The following DCAF1 variants were observed in gnomAD, a reference collection of about 807,000 sequenced individuals.
DCAF1 encodes DDB1 and CUL4 associated factor 1, also known as DDB1- and CUL4-associated factor 1.
A neutral mutation model predicts 128.0 loss-of-function variants in DCAF1; 15 were observed. The observed-to-expected ratio is 0.12, with a 90% CI of 0.08 to 0.18. The LOEUF is 0.18. DCAF1 is among the 10% of genes least tolerant of loss of function. The pLI, the probability that DCAF1 is intolerant of heterozygous loss-of-function variation, is 1.00. For synonymous variants in DCAF1, 610 were observed against 603.0 expected, an observed-to-expected ratio of 1.01 and a Z score of -0.17; for missense variants, 988 against 1,649.5, an observed-to-expected ratio of 0.60 and a Z score of 6.95.
At chr3:51,461,034 T>C (rs1415211277) in intron 6 of DCAF1, among the ~76,000 whole-genome samples, 1 of 151,956 alleles carries the variant, frequency 6.6e-6, no homozygotes. Flanking sequence ...CCAAAAGCAA[T>C]AGCAACAAAA....
At chr3:51,407,653 T>C (rs1173389113) in intron 23 of DCAF1, among the ~76,000 whole-genome samples, 1 of 152,192 alleles carries the variant, frequency 6.6e-6, no homozygotes, top group Non-Finnish European at 1.5e-5. Flanking sequence ...TTGTAACTTT[T>C]CTAAAAGTCA....
chr3:51,465,673 A>G (rs976530249), intron 5 of DCAF1, among the ~76,000 whole-genome samples: 7 of 150,812 alleles, frequency 4.6e-5, no homozygotes, highest in Non-Finnish European at 8.9e-5. Context: ...TGAACCCAGG[A>G]GGCAGAGGTT....
intron 12 of DCAF1, among the ~76,000 whole-genome samples, chr3:51,429,037 TA>T (rs1411736616): frequency 6.6e-6 from 1 of 152,150 alleles, no homozygotes; most frequent in Non-Finnish European, 1.5e-5. Flanking sequence ...ACACTTCAGT[TA>T]ATCTTTTAGT....
At chr3:51,409,667 G>A (rs781784081) in intron 23 of DCAF1, among the ~76,000 whole-genome samples, 3 of 152,166 alleles carry the variant, frequency 2.0e-5, no homozygotes, top group South Asian at 2.1e-4. Context: ...TAATGTACGC[G>A]CAAATGGCCT....
chr3:51,503,287 C>T (rs1244576284), upstream of DCAF1, among the ~76,000 whole-genome samples: 2 of 152,178 alleles, frequency 1.3e-5, no homozygotes, highest in Admixed American at 6.5e-5. Context: ...GATTAGCATG[C>T]TCTACCTACT....
chr3:51,472,931 G>A (rs2108243290), intron 3 of DCAF1, among the ~76,000 whole-genome samples: 1 of 150,638 alleles, frequency 6.6e-6, no homozygotes, highest in Non-Finnish European at 1.5e-5. Flanking sequence ...TCCTAAAAGT[G>A]CTGGTTATAG....
chr3:51,451,335 G>A (rs1189459070), intron 6 of DCAF1, among the ~76,000 whole-genome samples: 1 of 151,526 alleles, frequency 6.6e-6, no homozygotes, highest in Non-Finnish European at 1.5e-5. Context: ...TAAATTTTAG[G>A]CCAGACACAG....
intron 3 of DCAF1, among the ~76,000 whole-genome samples, chr3:51,483,236 C>T (rs1238433483): frequency 2.0e-5 from 3 of 149,486 alleles, no homozygotes; most frequent in Non-Finnish European, 4.4e-5. Flanking sequence ...GTAAGGAGTT[C>T]GAGACCAGCC....
intron 3 of DCAF1, among the ~76,000 whole-genome samples, chr3:51,476,572 C>T (rs1378805853): frequency 2.0e-5 from 1 of 49,634 alleles, no homozygotes; most frequent in Non-Finnish European, 3.6e-5. Context: ...AATTATATCT[C>T]AAAAAAAAAA....
rs1699231651 is a variant in DCAF1, at chr3:51,419,765, C to T, written c.3205G>A (p.Gly1069Arg). The T allele has an allele frequency of 2.5e-6, 4 of 1,613,046 alleles. No homozygotes were observed. Among genetic ancestry groups the T allele is most frequent in the Non-Finnish European group, 3.4e-6 (4 of 1,179,386 alleles). ...AAGATAAGGTGCCTATCAAAGCATC[C>T]GCCATCCACCCCTCCATACTTTGGA... Reference protein sequence around the residue: ...SFPKYGGVDGGCFDRHLIFSR... With the variant: ...SFPKYGGVDGRCFDRHLIFSR... The change falls in exon 15 of 25, where the codon GGA (glycine) becomes AGA (arginine). Residue 1069 changes from glycine to arginine, a missense_variant. Gly to Arg is a moderately radical substitution (Grantham distance 125). Transcript: ENST00000684031.
At chr3:51,425,958 T>TCTA (rs1699872535) in intron 13 of DCAF1, among the ~76,000 whole-genome samples, 1 of 152,186 alleles carries the variant, frequency 6.6e-6, no homozygotes, top group South Asian at 2.1e-4. Context: ...TCTGGAGACC[T>TCTA]CTAGAAGTCT....
intron 9 of DCAF1, among the ~76,000 whole-genome samples, chr3:51,436,056 G>C (rs942367439): frequency 3.9e-5 from 6 of 152,142 alleles, no homozygotes; most frequent in Non-Finnish European, 5.9e-5. Context: ...AGGATGATTC[G>C]GGGGCCTCTC....
At chr3:51,475,915 C>A (rs1380802665) in intron 3 of DCAF1, among the ~76,000 whole-genome samples, 2 of 151,930 alleles carry the variant, frequency 1.3e-5, no homozygotes, top group Admixed American at 1.3e-4. Flanking sequence ...CAAATCTGAG[C>A]TCTTCCACAG....
intron 1 of DCAF1, among the ~76,000 whole-genome samples, chr3:51,498,096 T>G (rs1708434807): frequency 7.8e-6 from 1 of 128,704 alleles, no homozygotes; most frequent in African/African-American, 2.9e-5. Flanking sequence ...GCGCAGTGGC[T>G]TACATCTGTA....
At chr3:51,451,069 CTTTTTTT>C (rs1167474829) in intron 6 of DCAF1, among the ~76,000 whole-genome samples, 150 of 27,066 alleles carry the variant, frequency 5.5e-3, no homozygotes, top group African/African-American at 0.018. Flanking sequence ...AAAGGAAATT[CTTTTTTT>C]TTTTTTTTTT....
chr3:51,445,791 A>C (rs1701792900), intron 6 of DCAF1, among the ~76,000 whole-genome samples: 1 of 152,192 alleles, frequency 6.6e-6, no homozygotes, highest in South Asian at 2.1e-4. Flanking sequence ...AGTGAATAGA[A>C]GTCCTCTTCC....
intron 20 of DCAF1, 74 bp from the exon 21 acceptor site, chr3:51,413,460 A>G (rs1462653167): frequency 2.0e-6 from 3 of 1,537,846 alleles, no homozygotes; most frequent in Middle Eastern, 1.7e-4. Flanking sequence ...AGAAAATGTT[A>G]ATGGCCAATC....
intron 2 of DCAF1, among the ~76,000 whole-genome samples, chr3:51,492,735 T>C (rs1553658730): frequency 6.6e-6 from 1 of 152,034 alleles, no homozygotes; most frequent in Non-Finnish European, 1.5e-5. Flanking sequence ...TGGCTCATGC[T>C]TGCAATCTCA....
At chr3:51,479,727 C>G (rs1705925255) in intron 3 of DCAF1, among the ~76,000 whole-genome samples, 1 of 151,988 alleles carries the variant, frequency 6.6e-6, no homozygotes, top group Non-Finnish European at 1.5e-5. Context: ...ATCTGGGAGG[C>G]AGAGCTTGCA....
Sources: allele counts gnomAD v4.1 joint callset (sites outside exome capture counted in the v4.1 genomes callset), GRCh38; gene constraint gnomAD v4.1.1; transcripts MANE v1.5; gene names NCBI Gene and HGNC (gene_info 2026-07-23, HGNC 2026-07-21).